The following CYTH3 variants were observed in gnomAD, a reference collection of about 807,000 sequenced individuals.
CYTH3 encodes the protein cytohesin-3.
A neutral mutation model predicts 55.1 loss-of-function variants in CYTH3; 23 were observed. The observed-to-expected ratio is 0.42, with a 90% CI of 0.30 to 0.59. CYTH3 has a LOEUF of 0.59. CYTH3 is among the 20% of genes least tolerant of loss of function. The probability of loss-of-function intolerance (pLI) is 0.20; values close to 1 mark genes in which losing one functional copy is unlikely to be tolerated. For synonymous variants in CYTH3, 249 were observed against 194.9 expected, an observed-to-expected ratio of 1.28 and a Z score of -2.31; for missense variants, 413 against 524.8, an observed-to-expected ratio of 0.79 and a Z score of 2.08.
At chr7:6,193,120 C>T (rs927620253) in intron 1 of CYTH3, among the ~76,000 whole-genome samples, 21 of 151,878 alleles carry the variant, frequency 1.4e-4, no homozygotes, top group South Asian at 2.1e-4. Context: ...TGCAGTGAGC[C>T]GAGATCCCAC....
At chr7:6,227,412 G>C (rs1389160564) in intron 1 of CYTH3, among the ~76,000 whole-genome samples, 1 of 151,938 alleles carries the variant, frequency 6.6e-6, no homozygotes, top group Non-Finnish European at 1.5e-5. Flanking sequence ...CATCTCAATA[G>C]ATGGAAAAAT....
At position 6,161,976 on chromosome 7, in the gene CYTH3, C is replaced by G. The variant is rs1782833611; in HGVS notation, c.*2968G>C. ...ACAGATGTACATTATTTACATATTA[C>G]TATATTTACCGCAAATAGAAATATT... On this transcript the variant is annotated 3_prime_UTR_variant, in exon 13 of 13. Coordinates refer to ENST00000350796, the MANE Select transcript of CYTH3 (RefSeq NM_004227.4). The G allele has an allele frequency of 6.6e-6, 1 of 152,578 alleles. No homozygotes were observed. Among genetic ancestry groups the G allele is most frequent in the Non-Finnish European group, 1.5e-5 (1 of 68,042 alleles). The allele number at this position is 152,578 out of a possible 1,614,324, so 9.5% of individuals were successfully genotyped here.
At chr7:6,221,503 G>A (rs1357969243) in intron 1 of CYTH3, among the ~76,000 whole-genome samples, 3 of 152,072 alleles carry the variant, frequency 2.0e-5, no homozygotes, top group African/African-American at 7.3e-5. Context: ...TTGCAGCGGT[G>A]GCTACATCAA....
At chr7:6,246,284 G>A (rs949803043) in intron 1 of CYTH3, among the ~76,000 whole-genome samples, 3 of 151,308 alleles carry the variant, frequency 2.0e-5, no homozygotes, top group Non-Finnish European at 4.4e-5. Flanking sequence ...TCCCCAGGCT[G>A]GTGGCGAACT....
At chr7:6,206,548 T>C (rs1425086212) in intron 1 of CYTH3, among the ~76,000 whole-genome samples, 2 of 152,240 alleles carry the variant, frequency 1.3e-5, no homozygotes, top group African/African-American at 2.4e-5. Context: ...CACAAGGGTG[T>C]GTGTACATGA....
chr7:6,259,772 T>TATATATATTA (rs1491219669), intron 1 of CYTH3, among the ~76,000 whole-genome samples: 9 of 30,500 alleles, frequency 3.0e-4, no homozygotes, highest in African/African-American at 1.9e-3. Flanking sequence ...TATATATATA[T>TATATATATTA]TATATATATA....
chr7:6,177,806 A>G lies in CYTH3; in HGVS notation c.368+17T>C, dbSNP rs752598327. Reference sequence around the variant, plus strand: ...TGAGTGGCCCCAGGTAGGGCTTTGCATCCTCCTCTAACTCACCTTTCACCC... The same window carrying G: ...TGAGTGGCCCCAGGTAGGGCTTTGCGTCCTCCTCTAACTCACCTTTCACCC... On this transcript the variant is annotated intron_variant, in intron 5 of 12. Transcript: ENST00000350796. The G allele has an allele frequency of 1.3e-6, 2 of 1,595,072 alleles. No homozygotes were observed. The highest frequency in any genetic ancestry group is 1.7e-6 in the Non-Finnish European group (2 of 1,163,084).
rs547122475 is a variant in CYTH3 at position 6,272,265 on chromosome 7, G to A, written c.34+209C>T. 2.3e-4 allele frequency among the ~76,000 whole-genome samples: 35 copies of A among 150,874 alleles called. No individual in the cohort carries two copies. The South Asian group carries it at 5.2e-3, about 23-fold the overall frequency. On this transcript the variant is annotated intron_variant, in intron 1 of 12. Coordinates refer to ENST00000350796, the MANE Select transcript of CYTH3 (RefSeq NM_004227.4). Reference sequence around the variant, plus strand: ...ACCCAGACCCTCGCCAGCGCCGAACGGCGACCCCGGCCCGCCCCCTCCCTC... The same window carrying A: ...ACCCAGACCCTCGCCAGCGCCGAACAGCGACCCCGGCCCGCCCCCTCCCTC...
chr7:6,195,400 T>G (rs913517684), intron 1 of CYTH3, among the ~76,000 whole-genome samples: 1 of 152,190 alleles, frequency 6.6e-6, no homozygotes, highest in Admixed American at 6.6e-5. Context: ...ATTTTTAATT[T>G]CCTGCTTCCT....
rs1383169857 is a variant in CYTH3, at chr7:6,162,663, GAGTCTAACTCAGCACCAC to G, written c.*2263_*2280del. ...ATTTCCTTTGACCACAAAGTACCTGGAGTCTAACTCAGCACCACAGCCTCTGCATGGCTCCCAGGTGCC... is the reference window on the plus strand; with the variant it reads ...ATTTCCTTTGACCACAAAGTACCTGGAGCCTCTGCATGGCTCCCAGGTGCC... On this transcript the variant is annotated 3_prime_UTR_variant, in exon 13 of 13. Coordinates refer to ENST00000350796, the MANE Select transcript of CYTH3 (RefSeq NM_004227.4). 6.6e-6 allele frequency: 1 copy of G among 152,240 alleles called. No individual in the cohort carries two copies. Among genetic ancestry groups the G allele is most frequent in the African/African-American group, 2.4e-5 (1 of 41,448 alleles). 9.4% of individuals were successfully genotyped at this position (152,240 alleles called of 1,614,324 possible).
intron 1 of CYTH3, among the ~76,000 whole-genome samples, chr7:6,208,593 G>A (rs1335640236): frequency 6.6e-6 from 1 of 152,142 alleles, no homozygotes; most frequent in Non-Finnish European, 1.5e-5. Context: ...ACCCAGGTTG[G>A]GGGGCAATGG....
chr7:6,187,247 C>T, intron 3 of CYTH3, 131 bp from the exon 4 acceptor site: 1 of 898,250 alleles, frequency 1.1e-6, no homozygotes. Context: ...ACGGAGGGGC[C>T]CCCAGTCTCC....
intron 1 of CYTH3, among the ~76,000 whole-genome samples, chr7:6,239,454 A>G (rs1178583054): frequency 6.6e-6 from 1 of 152,158 alleles, no homozygotes; most frequent in Non-Finnish European, 1.5e-5. Context: ...ATCTCTCCTA[A>G]GCTCCAAACC....
At chr7:6,186,160 C>T (rs200731056) in intron 4 of CYTH3, among the ~76,000 whole-genome samples, 3 of 147,972 alleles carry the variant, frequency 2.0e-5, no homozygotes, top group Non-Finnish European at 4.5e-5. Context: ...AGGAGAATGG[C>T]GTGAACCCGG....
chr7:6,220,752 T>A (rs1017585870), intron 1 of CYTH3, among the ~76,000 whole-genome samples: 2 of 152,018 alleles, frequency 1.3e-5, no homozygotes, highest in Non-Finnish European at 2.9e-5. Flanking sequence ...TCCCAGCACT[T>A]TGGGAGGCCG....
chr7:6,202,754 C>A (rs1000263704), intron 1 of CYTH3, among the ~76,000 whole-genome samples: 1 of 152,088 alleles, frequency 6.6e-6, no homozygotes, highest in Non-Finnish European at 1.5e-5. Context: ...CCACCGTGCC[C>A]AGCCAGGCCA....
At chr7:6,206,897 G>T (rs930108615) in intron 1 of CYTH3, among the ~76,000 whole-genome samples, 1 of 152,014 alleles carries the variant, frequency 6.6e-6, no homozygotes, top group African/African-American at 2.4e-5. Flanking sequence ...GACAACGGGG[G>T]AGACGATTTT....
chr7:6,234,224 G>A (rs1433729984), intron 1 of CYTH3, among the ~76,000 whole-genome samples: 1 of 152,190 alleles, frequency 6.6e-6, no homozygotes, highest in African/African-American at 2.4e-5. Flanking sequence ...GAGGCCACTG[G>A]AGATCCCTGT....
intron 1 of CYTH3, among the ~76,000 whole-genome samples, chr7:6,242,621 C>T (rs1053868278): frequency 6.6e-6 from 1 of 151,966 alleles, no homozygotes; most frequent in Non-Finnish European, 1.5e-5. Flanking sequence ...GTGATCCGCC[C>T]GCCTCGGCCT....
Sources: allele counts gnomAD v4.1 joint callset (sites outside exome capture counted in the v4.1 genomes callset), GRCh38; gene constraint gnomAD v4.1.1; transcripts MANE v1.5; gene names NCBI Gene and HGNC (gene_info 2026-07-23, HGNC 2026-07-21).